The following PKNOX2 variants were observed in gnomAD, a reference collection of about 807,000 sequenced individuals.
The protein encoded by PKNOX2 is PBX/knotted 1 homeobox 2.
A neutral mutation model predicts 53.1 loss-of-function variants in PKNOX2; 14 were observed. The observed-to-expected ratio is 0.26, with a 90% CI of 0.17 to 0.41. The LOEUF (loss-of-function observed/expected upper bound fraction) is 0.41, where lower values mean the gene tolerates loss of function less well. PKNOX2 is among the 10% of genes least tolerant of loss of function. The pLI is 1.00. For synonymous variants in PKNOX2, 257 were observed against 242.8 expected (o/e 1.06, Z -0.54); for missense variants, 496 against 602.8 (o/e 0.82, Z 1.85).
At chr11:125,188,461 AG>A (rs1015195929) in intron 1 of PKNOX2, among the ~76,000 whole-genome samples, 4 of 152,342 alleles carry the variant, frequency 2.6e-5, no homozygotes, top group South Asian at 2.1e-4. Flanking sequence ...CATGGTAAAA[AG>A]GTTGTGAGCC....
intron 2 of PKNOX2, among the ~76,000 whole-genome samples, chr11:125,312,573 G>A (rs1359205853): frequency 6.6e-6 from 1 of 152,114 alleles, no homozygotes; most frequent in Non-Finnish European, 1.5e-5. Context: ...CGGGGCAGCG[G>A]GTGCTGTGGC....
chr11:125,411,462 TTCTCTCTCTCTCTCTCTCTC>T (rs3028442), intron 9 of PKNOX2: 30 of 252,770 alleles, frequency 1.2e-4, no homozygotes, highest in East Asian at 6.6e-4. Context: ...TCCTCTGTCT[TTCTCTCTCTCTCTCTCTCTC>T]TCTCTCTCTC....
chr11:125,332,267 A>G (rs1780248265), intron 3 of PKNOX2, among the ~76,000 whole-genome samples: 1 of 146,406 alleles, frequency 6.8e-6, no homozygotes, highest in Non-Finnish European at 1.5e-5. Context: ...ATTATCACCC[A>G]TGAATGACCT....
At chr11:125,353,799 T>A (rs962318878) in intron 4 of PKNOX2, among the ~76,000 whole-genome samples, 70 of 152,272 alleles carry the variant, frequency 4.6e-4, no homozygotes, top group African/African-American at 1.6e-3. Flanking sequence ...GATGTCAGGG[T>A]CTTTACGGCC....
chr11:125,331,965 C>T (rs553295687), intron 3 of PKNOX2, 40 bp downstream of exon 3: 1 of 148,994 alleles, frequency 6.7e-6, no homozygotes, highest in South Asian at 2.1e-4. Context: ...ACAGTTACAC[C>T]CCCCAAGCAG....
intron 5 of PKNOX2, among the ~76,000 whole-genome samples, chr11:125,377,146 G>C (rs138558372): frequency 4.1e-4 from 62 of 152,342 alleles, no homozygotes; most frequent in African/African-American, 1.3e-3. Flanking sequence ...TTTACTAAGT[G>C]CCAGACACTC....
At chr11:125,335,438 A>C (rs1035456898) in intron 3 of PKNOX2, among the ~76,000 whole-genome samples, 1 of 152,094 alleles carries the variant, frequency 6.6e-6, no homozygotes, top group African/African-American at 2.4e-5. Flanking sequence ...GGAGGACTAG[A>C]GGCTCTCCGA....
chr11:125,417,664 C>A (rs1024686283), intron 10 of PKNOX2, among the ~76,000 whole-genome samples: 1 of 152,052 alleles, frequency 6.6e-6, no homozygotes, highest in African/African-American at 2.4e-5. Context: ...TCTCTTGGCT[C>A]CCATGCAAAG....
In PKNOX2 at chr11:125,174,796, G is replaced by A. The variant is rs375324700; in HGVS notation, c.-201+10020G>A. ...CCTGGCAGAGTGGGAACTCAAGACC[G>A]CTGCTCCCCTGTGGCCCAAATAGCG... On this transcript the variant is annotated intron_variant, in intron 1 of 12. Coordinates refer to ENST00000298282, the MANE Select transcript of PKNOX2 (RefSeq NM_001382323.2). Among the ~76,000 whole-genome samples the A allele has an allele frequency of 4.6e-5, 7 of 152,134 alleles. No individual in the cohort carries two copies. In the East Asian group the frequency reaches 5.8e-4, roughly 13 times the overall value.
rs1293223763 is a variant in PKNOX2 at position 125,432,827 on chromosome 11, GC to G, written c.*1437del. The G allele has an allele frequency of 1.3e-5, 2 of 152,612 alleles. No homozygotes were observed. Among genetic ancestry groups the G allele is most frequent in the African/African-American group, 2.4e-5 (1 of 41,424 alleles). 9.5% of individuals were successfully genotyped at this position (152,612 alleles called of 1,614,324 possible). ...AGTTTCATTTGTAAATTGTGCATTGGCCACCTCCTTCAGTGGCAGGATGTGA... is the reference window on the plus strand; with the variant it reads ...AGTTTCATTTGTAAATTGTGCATTGGCACCTCCTTCAGTGGCAGGATGTGA... On this transcript the variant is annotated 3_prime_UTR_variant, in exon 13 of 13. Transcript: ENST00000298282.
chr11:125,199,554 C>G (rs1938187123), intron 1 of PKNOX2, among the ~76,000 whole-genome samples: 2 of 152,202 alleles, frequency 1.3e-5, no homozygotes, highest in Admixed American at 6.5e-5. Flanking sequence ...CTTAAGATTT[C>G]CTGGGTTGGC....
intron 2 of PKNOX2, among the ~76,000 whole-genome samples, chr11:125,294,499 G>C (rs1248957711): frequency 6.6e-6 from 1 of 152,216 alleles, no homozygotes; most frequent in Non-Finnish European, 1.5e-5. Flanking sequence ...GGGTTGTAGA[G>C]GATTTAGGGA....
At position 125,367,551 on chromosome 11, in the gene PKNOX2, C is replaced by T. The variant is rs563471758; in HGVS notation, c.88-295C>T. On this transcript the variant is annotated intron_variant, in intron 4 of 12. Transcript: ENST00000298282. ...TTCATCCTATTGTTTTTTTCTACTT[C>T]TGGGCAAGGGTTACCATATTTGCAC... Among the ~76,000 whole-genome samples the T allele has an allele frequency of 5.3e-5, 8 of 152,278 alleles. No homozygotes were observed. The East Asian group carries it at 1.5e-3, about 29-fold the overall frequency.
chr11:125,290,548 G>A (rs897903964), intron 2 of PKNOX2, among the ~76,000 whole-genome samples: 2 of 152,184 alleles, frequency 1.3e-5, no homozygotes, highest in African/African-American at 2.4e-5. Flanking sequence ...CCACAAGCTC[G>A]ATGCAGGCCT....
At chr11:125,236,236 C>T (rs920044703) in intron 2 of PKNOX2, among the ~76,000 whole-genome samples, 2 of 152,176 alleles carry the variant, frequency 1.3e-5, no homozygotes, top group African/African-American at 4.8e-5. Flanking sequence ...TGCGATTCAG[C>T]GCCGGTCGCC....
At chr11:125,324,104 GAGA>G (rs1949690423) in intron 2 of PKNOX2, among the ~76,000 whole-genome samples, 1 of 150,660 alleles carries the variant, frequency 6.6e-6, no homozygotes, top group Non-Finnish European at 1.5e-5. Flanking sequence ...ACCAAATGAT[GAGA>G]AGAAGAATTC....
chr11:125,313,992 C>T (rs1420694452), intron 2 of PKNOX2, among the ~76,000 whole-genome samples: 1 of 152,178 alleles, frequency 6.6e-6, no homozygotes, highest in Non-Finnish European at 1.5e-5. Context: ...ATGCCAGGCA[C>T]ACAAGTGACC....
At chr11:125,275,911 T>C (rs958142641) in intron 2 of PKNOX2, among the ~76,000 whole-genome samples, 1 of 152,038 alleles carries the variant, frequency 6.6e-6, no homozygotes, top group African/African-American at 2.4e-5. Context: ...AGAAGGTCCT[T>C]AAAGCAATGG....
intron 10 of PKNOX2, among the ~76,000 whole-genome samples, chr11:125,414,688 C>T (rs146411881): frequency 2.6e-5 from 4 of 151,310 alleles, no homozygotes; most frequent in Admixed American, 6.6e-5. Context: ...CCAGACAGAT[C>T]GAGGCATGAA....
Sources: allele counts gnomAD v4.1 joint callset (sites outside exome capture counted in the v4.1 genomes callset), GRCh38; gene constraint gnomAD v4.1.1; transcripts MANE v1.5; gene names NCBI Gene and HGNC (gene_info 2026-07-23, HGNC 2026-07-21).